Variants in ABLIM1 observed in about 807,000 individuals in gnomAD.
The protein encoded by ABLIM1 is actin binding LIM protein 1.
In ABLIM1, 40 loss-of-function variants were observed where a neutral mutation model predicts 107.0. That is an observed-to-expected ratio of 0.37 (90% confidence interval 0.29 to 0.49). The LOEUF (loss-of-function observed/expected upper bound fraction) is 0.49, where lower values mean the gene tolerates loss of function less well. ABLIM1 is among the 20% of genes least tolerant of loss of function. The probability of loss-of-function intolerance (pLI) is 0.97; values close to 1 mark genes in which losing one functional copy is unlikely to be tolerated. For synonymous variants in ABLIM1, 357 were observed against 357.3 expected, an observed-to-expected ratio of 1.00 and a Z score of 0.01; for missense variants, 857 against 1,008.5, an observed-to-expected ratio of 0.85 and a Z score of 2.04.
chr10:114,444,277 G>C (rs2060690850), intron 16 of ABLIM1, 143 bp from the exon 17 acceptor site: 1 of 676,934 alleles, frequency 1.5e-6, no homozygotes, highest in African/African-American at 1.8e-5. Flanking sequence ...CCAGAGCCTG[G>C]TAGTTCCTGA....
At chr10:114,666,861 T>C (rs1216413026) in intron 1 of ABLIM1, among the ~76,000 whole-genome samples, 1 of 152,198 alleles carries the variant, frequency 6.6e-6, no homozygotes, top group East Asian at 1.9e-4. Flanking sequence ...GTAAATTATA[T>C]CTTAACTTTA....
intron 1 of ABLIM1, among the ~76,000 whole-genome samples, chr10:114,741,263 T>A (rs1166833278): frequency 2.1e-5 from 3 of 144,694 alleles, no homozygotes; most frequent in African/African-American, 7.8e-5. Context: ...TTTCGCTTTG[T>A]CGCCCAGGCT....
chr10:114,711,155 T>C (rs1341331166), intron 1 of ABLIM1, among the ~76,000 whole-genome samples: 1 of 152,224 alleles, frequency 6.6e-6, no homozygotes, highest in Non-Finnish European at 1.5e-5. Context: ...GTAGCAAAAG[T>C]CATCTTATTT....
intron 11 of ABLIM1, 60 bp downstream of exon 11, chr10:114,468,121 G>T: frequency 1.4e-6 from 2 of 1,459,984 alleles, no homozygotes; most frequent in Non-Finnish European, 9.6e-7. Flanking sequence ...CCAGTCTAGG[G>T]AAGGGCCAAG....
At chr10:114,628,681 T>C (rs1414253625) in intron 1 of ABLIM1, among the ~76,000 whole-genome samples, 1 of 152,242 alleles carries the variant, frequency 6.6e-6, no homozygotes, top group African/African-American at 2.4e-5. Context: ...CCTTGAAGTT[T>C]GTCTTGTGAC....
chr10:114,544,988 GC>G lies in ABLIM1; in HGVS notation c.894+16del. ...GAAAGATGGCGGTAGCTATGAGGGA[GC>G]CGGTCTGCCACTTACCTCCAGGACT... On this transcript the variant is annotated intron_variant, in intron 6 of 22. Transcript: ENST00000533213. 1 of 1,612,314 alleles carries G rather than the reference GC, an allele frequency of 6.2e-7. No homozygotes were observed. The highest frequency in any genetic ancestry group is 2.2e-5 in the East Asian group (1 of 44,852).
intron 6 of ABLIM1, among the ~76,000 whole-genome samples, chr10:114,514,892 C>T (rs995371080): frequency 6.6e-6 from 1 of 152,292 alleles, no homozygotes; most frequent in African/African-American, 2.4e-5. Flanking sequence ...TTGAGACCTA[C>T]CCACCATGGT....
At chr10:114,550,321 T>C (rs140091821) in intron 4 of ABLIM1, among the ~76,000 whole-genome samples, 152 of 152,246 alleles carry the variant, frequency 1.0e-3, no homozygotes, top group African/African-American at 3.5e-3. Context: ...ACGATATTAG[T>C]TTAAAAATAT....
At chr10:114,547,565 G>A in intron 5 of ABLIM1, 85 bp downstream of exon 5, 1 of 1,570,290 alleles carries the variant, frequency 6.4e-7, no homozygotes. Context: ...CATTGATGGG[G>A]TGGGGCCCCT....
In ABLIM1 at chr10:114,746,476, C is replaced by A. The variant is rs1385600148; in HGVS notation, c.-213+21585G>T. ...TATGTACGTATACCACGTCTTTATT[C>A]ATCCATCCCTTGATGAACACTTAGG... On this transcript the variant is annotated intron_variant, in intron 1 of 15. Transcript: ENST00000651092. Among the ~76,000 whole-genome samples, 5 of 152,178 alleles carry A rather than the reference C, an allele frequency of 3.3e-5. No homozygotes were observed. In the East Asian group the frequency reaches 9.6e-4, roughly 29 times the overall value.
chr10:114,519,851 C>T (rs1374055527), intron 6 of ABLIM1, among the ~76,000 whole-genome samples: 1 of 152,222 alleles, frequency 6.6e-6, no homozygotes, highest in Non-Finnish European at 1.5e-5. Context: ...TACCTCCCTG[C>T]TTAGCTCACC....
chr10:114,723,840 G>A (rs1012365016), intron 1 of ABLIM1, among the ~76,000 whole-genome samples: 1 of 152,176 alleles, frequency 6.6e-6, no homozygotes, highest in African/African-American at 2.4e-5. Flanking sequence ...GCCTGGTAGA[G>A]ATTCAATTAT....
intron 2 of ABLIM1, among the ~76,000 whole-genome samples, chr10:114,597,777 T>A (rs2075573947): frequency 6.6e-6 from 1 of 152,036 alleles, no homozygotes; most frequent in Non-Finnish European, 1.5e-5. Context: ...GTAGCGGTAC[T>A]ATGTAAGAGG....
intron 1 of ABLIM1, among the ~76,000 whole-genome samples, chr10:114,735,771 G>A (rs1255071103): frequency 6.6e-6 from 1 of 152,128 alleles, no homozygotes; most frequent in Admixed American, 6.5e-5. Flanking sequence ...CCCGGCCAAT[G>A]TGTTGGTCTT....
At chr10:114,783,866 C>T in the ABLIM1 span, among the ~76,000 whole-genome samples, 5 of 151,712 alleles carry the variant, frequency 3.3e-5, no homozygotes, top group South Asian at 2.1e-4. Context: ...ACTCCTGCAG[C>T]GTGCCAGGGC....
chr10:114,731,187 C>A (rs2082065586), intron 1 of ABLIM1, among the ~76,000 whole-genome samples: 1 of 152,108 alleles, frequency 6.6e-6, no homozygotes, highest in Non-Finnish European at 1.5e-5. Flanking sequence ...GTCGCCCAGG[C>A]TGGAGTGCAG....
At chr10:114,533,610 T>G (rs2065672727) in intron 6 of ABLIM1, among the ~76,000 whole-genome samples, 1 of 152,230 alleles carries the variant, frequency 6.6e-6, no homozygotes, top group Non-Finnish European at 1.5e-5. Flanking sequence ...ACATTTACTG[T>G]GTATGCCCAT....
intron 1 of ABLIM1, among the ~76,000 whole-genome samples, chr10:114,694,012 G>A (rs2081144244): frequency 1.3e-5 from 2 of 152,078 alleles, no homozygotes; most frequent in South Asian, 4.1e-4. Flanking sequence ...AGGCAGAATA[G>A]TAGCAAAAGC....
the ABLIM1 span, among the ~76,000 whole-genome samples, chr10:114,792,628 C>T: frequency 6.6e-6 from 1 of 152,206 alleles, no homozygotes; most frequent in Non-Finnish European, 1.5e-5. Context: ...CTCCTCTTCT[C>T]CTTCTCAGGT....
Sources: allele counts gnomAD v4.1 joint callset (sites outside exome capture counted in the v4.1 genomes callset), GRCh38; gene constraint gnomAD v4.1.1; transcripts MANE v1.5; gene names NCBI Gene and HGNC (gene_info 2026-07-23, HGNC 2026-07-21).